TRPM3: variants seen among roughly 807,000 people sequenced by gnomAD.
TRPM3 encodes long transient receptor potential channel 3.
A neutral mutation model predicts 181.2 loss-of-function variants in TRPM3; 77 were observed. The observed-to-expected ratio is 0.42, with a 90% CI of 0.35 to 0.51. The LOEUF is 0.51. TRPM3 is among the 20% of genes least tolerant of loss of function. TRPM3 has a pLI of 0.01. For missense variants in TRPM3, 1,759 were observed against 2,196.7 expected (o/e 0.80, Z 3.98); for synonymous variants, 745 against 796.4 (o/e 0.94, Z 1.09).
chr9:70,946,328 T>C (rs945821426), intron 1 of TRPM3, among the ~76,000 whole-genome samples: 1 of 152,072 alleles, frequency 6.6e-6, no homozygotes, highest in East Asian at 1.9e-4. Context: ...GTTAAGAACC[T>C]TGAATCCTTA....
At chr9:70,656,125 T>C (rs1181418828) in intron 9 of TRPM3, among the ~76,000 whole-genome samples, 1 of 152,212 alleles carries the variant, frequency 6.6e-6, no homozygotes, top group Non-Finnish European at 1.5e-5. Context: ...GGTAAGGTAA[T>C]ATTAGAAATG....
chr9:70,571,011 T>C (rs755842761), intron 22 of TRPM3, among the ~76,000 whole-genome samples: 1 of 152,210 alleles, frequency 6.6e-6, no homozygotes, highest in Non-Finnish European at 1.5e-5. Flanking sequence ...GTATCAGTTA[T>C]TTTGAGCTGG....
At chr9:71,107,593 G>A (rs1206129187) in intron 1 of TRPM3, among the ~76,000 whole-genome samples, 1 of 152,118 alleles carries the variant, frequency 6.6e-6, no homozygotes, top group Non-Finnish European at 1.5e-5. Context: ...ATAGATGATT[G>A]TAGAATGAAT....
chr9:70,691,201 C>T (rs1380604097), intron 8 of TRPM3, among the ~76,000 whole-genome samples: 2 of 152,016 alleles, frequency 1.3e-5, no homozygotes, highest in Non-Finnish European at 2.9e-5. Context: ...TATTTTTGAA[C>T]AAGTCTCAAA....
intron 1 of TRPM3, among the ~76,000 whole-genome samples, chr9:70,893,111 G>A (rs1211565447): frequency 6.6e-6 from 1 of 152,158 alleles, no homozygotes; most frequent in Non-Finnish European, 1.5e-5. Flanking sequence ...GTGCTGGACT[G>A]CTATTATTAA....
In TRPM3 at chr9:70,549,557, C is replaced by T. The variant is rs768340877; in HGVS notation, c.3692G>A (p.Arg1231Gln). 7 of 1,613,286 alleles carry T rather than the reference C, an allele frequency of 4.3e-6. No homozygotes were observed. The highest frequency in any genetic ancestry group is 1.1e-5 in the South Asian group (1 of 90,902). ...CAGAACACACCTTTCTGAAGTCACCCGTATCCTCTCATCATTAGATGAGTT... is the reference window on the plus strand; with the variant it reads ...CAGAACACACCTTTCTGAAGTCACCTGTATCCTCTCATCATTAGATGAGTT... ...RFNSSNDERIRVTSERVENMS... is the reference protein window; with the variant it reads ...RFNSSNDERIQVTSERVENMS... The change falls in exon 25 of 26, where the codon CGG becomes CAG. Residue 1231 changes from arginine (R) to glutamine (Q), a missense_variant. Transcript: ENST00000677713.
intron 1 of TRPM3, among the ~76,000 whole-genome samples, chr9:71,280,957 C>CA (rs1304219968): frequency 2.6e-5 from 4 of 152,170 alleles, no homozygotes; most frequent in African/African-American, 9.7e-5. Context: ...CTTGACTGTT[C>CA]AGATGTTTTT....
Position 70,531,498 on chromosome 9 carries a change from T to A in TRPM3, c.*4455A>T, listed in dbSNP as rs1336949851. 6.6e-6 allele frequency: 1 copy of A among 152,182 alleles called. No homozygotes were observed. The highest frequency in any genetic ancestry group is 2.4e-5 in the African/African-American group (1 of 41,434). The allele number at this position is 152,182 out of a possible 1,614,324, so 9.4% of individuals were successfully genotyped here. The stretch of plus-strand genomic sequence containing the variant: ...TGCATGCATTTTGTTGACACAAAAT[T>A]AAGACCAGGTTTGGAGAGAGATTAC... On this transcript the variant is annotated 3_prime_UTR_variant, in exon 26 of 26. Coordinates refer to ENST00000677713, the MANE Select transcript of TRPM3 (RefSeq NM_001366145.2).
chr9:70,854,023 G>A lies in TRPM3; in HGVS notation c.463-7432C>T, dbSNP rs555997412. ...TAAGCTCTCCAGGTGCTTTAATACA[G>A]CAGTTAACTCATGTGCCGACTCAGC... On this transcript the variant is annotated intron_variant, in intron 3 of 25. Coordinates refer to ENST00000677713, the MANE Select transcript of TRPM3 (RefSeq NM_001366145.2). 1.4e-3 allele frequency among the ~76,000 whole-genome samples: 211 copies of A among 152,272 alleles called. 1 individual carries two copies. The highest frequency in any genetic ancestry group is 4.4e-3 in the Admixed American group (68 of 15,286).
At chr9:71,340,220 A>T (rs2090861714) in intron 1 of TRPM3, among the ~76,000 whole-genome samples, 1 of 152,160 alleles carries the variant, frequency 6.6e-6, no homozygotes. Flanking sequence ...AGTTACAAAT[A>T]AGGAAAGAGA....
chr9:71,054,025 G>A (rs2060369236), intron 1 of TRPM3, among the ~76,000 whole-genome samples: 1 of 152,084 alleles, frequency 6.6e-6, no homozygotes, highest in South Asian at 2.1e-4. Flanking sequence ...GACTTTGCAG[G>A]TTTAGATCCT....
At chr9:71,119,690 T>G (rs1454752796) in intron 1 of TRPM3, among the ~76,000 whole-genome samples, 1 of 152,214 alleles carries the variant, frequency 6.6e-6, no homozygotes, top group African/African-American at 2.4e-5. Flanking sequence ...TTACTGGAGT[T>G]GAATTCTTTC....
intron 1 of TRPM3, among the ~76,000 whole-genome samples, chr9:71,116,910 G>A (rs1237231904): frequency 6.6e-6 from 1 of 152,130 alleles, no homozygotes; most frequent in Non-Finnish European, 1.5e-5. Flanking sequence ...AGATGAGTGA[G>A]ATAAGGAATA....
chr9:71,295,015 G>A (rs1420445787), intron 1 of TRPM3, among the ~76,000 whole-genome samples: 1 of 152,182 alleles, frequency 6.6e-6, no homozygotes, highest in African/African-American at 2.4e-5. Context: ...CACAGGAAAT[G>A]TCAAGGATAC....
At chr9:70,667,731 T>C (rs2134013878) in intron 9 of TRPM3, among the ~76,000 whole-genome samples, 1 of 152,362 alleles carries the variant, frequency 6.6e-6, no homozygotes, top group East Asian at 1.9e-4. Context: ...TTTTAAAATG[T>C]AAGTCAGTTT....
intron 17 of TRPM3, among the ~76,000 whole-genome samples, chr9:70,616,511 ATT>A (rs5898153): frequency 1.5e-3 from 184 of 125,852 alleles, no homozygotes; most frequent in East Asian, 2.5e-3. Context: ...GTCCACTGGC[ATT>A]TTTTTTTTTT....
intron 1 of TRPM3, among the ~76,000 whole-genome samples, chr9:70,929,556 A>G (rs75329715): frequency 0.027 from 4,106 of 152,116 alleles, 186 homozygotes; most frequent in African/African-American, 0.093. Flanking sequence ...AGCCACATGA[A>G]TTGTGTTTTC....
At chr9:70,743,571 A>C (rs2074559868) in intron 8 of TRPM3, among the ~76,000 whole-genome samples, 1 of 152,116 alleles carries the variant, frequency 6.6e-6, no homozygotes, top group African/African-American at 2.4e-5. Context: ...GGGAGGTTAC[A>C]TTATGAGAGT....
chr9:71,072,157 A>G (rs986890795), intron 1 of TRPM3, among the ~76,000 whole-genome samples: 3 of 152,162 alleles, frequency 2.0e-5, no homozygotes, highest in African/African-American at 7.2e-5. Flanking sequence ...AACATTTCAG[A>G]TCTAGTTTCC....
Sources: allele counts gnomAD v4.1 joint callset (sites outside exome capture counted in the v4.1 genomes callset), GRCh38; gene constraint gnomAD v4.1.1; transcripts MANE v1.5; gene names NCBI Gene and HGNC (gene_info 2026-07-23, HGNC 2026-07-21).